The following LPA variants were observed in gnomAD, a reference collection of about 807,000 sequenced individuals.
LPA encodes the protein apolipoprotein(a).
LPA carries 199 observed loss-of-function variants against 197.9 expected under a neutral mutation model. The observed-to-expected ratio is 1.01, with a 90% CI of 0.90 to 1.13. The LOEUF (loss-of-function observed/expected upper bound fraction) is 1.13, where lower values mean the gene tolerates loss of function less well. Ranked by LOEUF, LPA falls within the 50% of genes most tolerant of loss-of-function variation. LPA has a pLI of 0.00. For missense variants in LPA, 1,853 were observed against 1,785.8 expected (o/e 1.04, Z -0.68); for synonymous variants, 715 against 639.5 (o/e 1.12, Z -1.78).
chr6:160,605,206 CT>C lies in LPA; in HGVS notation c.2786-2del. 1 of 1,613,378 alleles carries C rather than the reference CT, an allele frequency of 6.2e-7. No homozygotes were observed. The highest frequency in any genetic ancestry group is 1.3e-5 in the African/African-American group (1 of 74,980). The stretch of plus-strand genomic sequence containing the variant: ...ACCCCAGGCCTTTGCTCAGTTGGTG[CT>C]GAAATGAAAAGAAAAGAAATCAAAC... On this transcript the variant is annotated splice_acceptor_variant, in intron 17 of 38. Coordinates refer to ENST00000316300, the MANE Select transcript of LPA (RefSeq NM_005577.4). LOFTEE classifies it high-confidence loss of function.
intron 1 of LPA, among the ~76,000 whole-genome samples, chr6:160,661,814 G>T (rs1582908134): frequency 2.0e-5 from 3 of 152,176 alleles, no homozygotes; most frequent in Admixed American, 2.0e-4. Flanking sequence ...AGTTGTGCTT[G>T]GGTAAATTCT....
intron 30 of LPA, among the ~76,000 whole-genome samples, chr6:160,551,911 TC>T (rs1376452590): frequency 1.4e-5 from 2 of 145,056 alleles, no homozygotes; most frequent in Non-Finnish European, 3.0e-5. Context: ...ATAACACATA[TC>T]CTTTTTTTTT....
intron 16 of LPA, among the ~76,000 whole-genome samples, chr6:160,610,911 G>T (rs557439390): frequency 6.6e-6 from 1 of 152,126 alleles, no homozygotes; most frequent in East Asian, 1.9e-4. Flanking sequence ...TTTGGTTGTT[G>T]ATTATGGCCA....
chr6:160,545,129 G>A (rs553985148), intron 33 of LPA, among the ~76,000 whole-genome samples: 17 of 151,838 alleles, frequency 1.1e-4, no homozygotes, highest in East Asian at 9.6e-4. Context: ...TGCATCCCAC[G>A]CTAGACAAAG....
intron 28 of LPA, among the ~76,000 whole-genome samples, chr6:160,559,872 T>C (rs1426033213): frequency 6.6e-6 from 1 of 152,214 alleles, no homozygotes; most frequent in Non-Finnish European, 1.5e-5. Flanking sequence ...ACACGTGTCA[T>C]GGTGGTTTGC....
chr6:160,564,583 G>A (rs1043605365), intron 28 of LPA, among the ~76,000 whole-genome samples: 2 of 152,178 alleles, frequency 1.3e-5, no homozygotes, highest in African/African-American at 2.4e-5. Flanking sequence ...CCCAGCATGA[G>A]CAAAGCAGAA....
chr6:160,653,379 G>A (rs980004672), intron 1 of LPA, among the ~76,000 whole-genome samples: 2 of 152,072 alleles, frequency 1.3e-5, no homozygotes, highest in Non-Finnish European at 2.9e-5. Context: ...AAGACAAGCA[G>A]TAAGGATACA....
At chr6:160,646,914 A>C (rs1779893579) in intron 2 of LPA, among the ~76,000 whole-genome samples, 2 of 151,814 alleles carry the variant, frequency 1.3e-5, no homozygotes, top group Non-Finnish European at 2.9e-5. Context: ...GTCAACTCTC[A>C]CACTCCATGT....
intron 19 of LPA, 136 bp downstream of exon 19, chr6:160,600,781 G>C (rs1779222677): frequency 1.4e-5 from 14 of 995,436 alleles, no homozygotes; most frequent in Non-Finnish European, 2.2e-5. Flanking sequence ...AGTGCGCTAA[G>C]GCTTCCTCCC....
chr6:160,606,387 T>G (rs1334338785), intron 17 of LPA, 90 bp downstream of exon 17: 2 of 1,532,998 alleles, frequency 1.3e-6, no homozygotes, highest in African/African-American at 1.4e-5. Context: ...AGCATCCGTT[T>G]ACCATTGGAG....
chr6:160,571,125 A>G (rs999744090), intron 28 of LPA, among the ~76,000 whole-genome samples: 1 of 152,014 alleles, frequency 6.6e-6, no homozygotes, highest in African/African-American at 2.4e-5. Flanking sequence ...TTGATTTTCA[A>G]TCTCTGATAT....
chr6:160,539,814 G>T (rs1158751304), intron 36 of LPA, among the ~76,000 whole-genome samples: 2 of 143,522 alleles, frequency 1.4e-5, no homozygotes, highest in African/African-American at 5.4e-5. Flanking sequence ...CGGGTAACAG[G>T]GTATCTCTTT....
At chr6:160,646,751 G>C (rs559354525) in intron 2 of LPA, among the ~76,000 whole-genome samples, 153 of 144,000 alleles carry the variant, frequency 1.1e-3, no homozygotes, top group Non-Finnish European at 2.0e-3. Flanking sequence ...TTTGACGTCT[G>C]TATTGTGGGA....
At chr6:160,548,889 T>G (rs1171715892) in intron 30 of LPA, among the ~76,000 whole-genome samples, 1 of 152,182 alleles carries the variant, frequency 6.6e-6, no homozygotes, top group Non-Finnish European at 1.5e-5. Flanking sequence ...AGTATATGCT[T>G]GTATTAGCCC....
intron 30 of LPA, among the ~76,000 whole-genome samples, chr6:160,549,031 G>A (rs1778126855): frequency 6.6e-6 from 1 of 152,134 alleles, no homozygotes; most frequent in Non-Finnish European, 1.5e-5. Flanking sequence ...GAAGGCAAGG[G>A]AGAAACAGGC....
intron 1 of LPA, among the ~76,000 whole-genome samples, chr6:160,654,403 C>A (rs931724080): frequency 3.3e-5 from 5 of 151,644 alleles, no homozygotes; most frequent in African/African-American, 1.2e-4. Flanking sequence ...CCTTCCCAGC[C>A]CACTGACTCA....
At chr6:160,576,416 GGGTA>G (rs1389880275) in intron 28 of LPA, among the ~76,000 whole-genome samples, 20 of 29,632 alleles carry the variant, frequency 6.7e-4, no homozygotes, top group Admixed American at 7.5e-4. Flanking sequence ...ATATATATAT[GGGTA>G]TATATATATA....
intron 16 of LPA, among the ~76,000 whole-genome samples, chr6:160,611,324 G>T (rs557071971): frequency 4.6e-5 from 7 of 152,022 alleles, no homozygotes; most frequent in African/African-American, 7.3e-5. Context: ...TTCTTCATAA[G>T]GTGATCTCCT....
At position 160,542,715 on chromosome 6, in the gene LPA, C is replaced by T. The variant is rs775800723; in HGVS notation, c.5492G>A (p.Trp1831Ter). The change falls in exon 34 of 39, where the codon TGG becomes TAG. Residue 1831 changes from tryptophan to a stop codon, truncating the protein, a stop_gained. Coordinates refer to ENST00000316300, the MANE Select transcript of LPA (RefSeq NM_005577.4). LOFTEE classifies it high-confidence loss of function. The stretch of plus-strand genomic sequence containing the variant: ...TGTTCTGAGACTGACTTGCCAGGGC[C>T]AGGAATGTGGGTGGGCCACACACCC... Reference protein sequence around the residue: ...VGGCVAHPHSWPWQVSLRTRF... With the variant: ...VGGCVAHPHS 1.9e-6 allele frequency: 3 copies of T among 1,613,868 alleles called. No homozygotes were observed. Among genetic ancestry groups the T allele is most frequent in the East Asian group, 2.2e-5 (1 of 44,870 alleles).
Sources: gnomAD v4.1 joint callset for allele counts (sites outside exome capture counted in the v4.1 genomes callset) on GRCh38, gnomAD v4.1.1 for gene constraint, MANE v1.5 for transcripts, NCBI Gene and HGNC (gene_info 2026-07-23, HGNC 2026-07-21) for gene names.